The following EXOC6B variants were observed in gnomAD, a reference collection of about 807,000 sequenced individuals.
The protein encoded by EXOC6B is SEC15 homolog B.
A neutral mutation model predicts 113.5 loss-of-function variants in EXOC6B; 54 were observed. The observed-to-expected ratio is 0.48, with a 90% CI of 0.38 to 0.60. The LOEUF (loss-of-function observed/expected upper bound fraction) is 0.60. Ranked by LOEUF, EXOC6B falls within the 20% of genes least tolerant of loss-of-function variation. EXOC6B has a pLI of 0.00. For synonymous variants in EXOC6B, 357 were observed against 339.0 expected, an observed-to-expected ratio of 1.05 and a Z score of -0.58; for missense variants, 797 against 977.5, an observed-to-expected ratio of 0.82 and a Z score of 2.46.
At chr2:72,791,745 T>A (rs1012883504) in intron 1 of EXOC6B, among the ~76,000 whole-genome samples, 5 of 152,228 alleles carry the variant, frequency 3.3e-5, no homozygotes, top group African/African-American at 1.2e-4. Context: ...CAATCTTTAA[T>A]GAAGTCATCT....
At chr2:72,227,775 C>CTA (rs1181195876) in intron 20 of EXOC6B, among the ~76,000 whole-genome samples, 2 of 152,124 alleles carry the variant, frequency 1.3e-5, no homozygotes, top group Non-Finnish European at 2.9e-5. Context: ...TAACTTAAAT[C>CTA]TATATGTCTT....
chr2:72,355,446 CAT>C (rs1689921058), intron 19 of EXOC6B, among the ~76,000 whole-genome samples: 3 of 152,090 alleles, frequency 2.0e-5, no homozygotes, highest in Non-Finnish European at 4.4e-5. Flanking sequence ...TTGTAAAAAA[CAT>C]AAAATATTTC....
At chr2:72,266,931 T>C (rs1173150774) in intron 20 of EXOC6B, among the ~76,000 whole-genome samples, 2 of 152,202 alleles carry the variant, frequency 1.3e-5, no homozygotes, top group Non-Finnish European at 2.9e-5. Context: ...TTTTATTTCA[T>C]TGAGCAGTGG....
At chr2:72,824,212 C>T (rs1686765242) in intron 1 of EXOC6B, among the ~76,000 whole-genome samples, 2 of 151,980 alleles carry the variant, frequency 1.3e-5, no homozygotes, top group Admixed American at 6.6e-5. Flanking sequence ...ATGGCAAAAT[C>T]CCATCTCTAC....
intron 6 of EXOC6B, among the ~76,000 whole-genome samples, chr2:72,677,447 C>T (rs1468264299): frequency 6.6e-6 from 1 of 152,038 alleles, no homozygotes; most frequent in Admixed American, 6.5e-5. Flanking sequence ...CTGCTCAAAA[C>T]AGTCAAGACT....
chr2:72,576,557 G>A (rs1558811472), intron 6 of EXOC6B, among the ~76,000 whole-genome samples: 1 of 152,056 alleles, frequency 6.6e-6, no homozygotes, highest in Non-Finnish European at 1.5e-5. Flanking sequence ...CTCAAAGTAT[G>A]GTCTCCTAAA....
At chr2:72,388,097 T>C (rs1402904922) in intron 18 of EXOC6B, among the ~76,000 whole-genome samples, 1 of 152,116 alleles carries the variant, frequency 6.6e-6, no homozygotes, top group Non-Finnish European at 1.5e-5. Flanking sequence ...TGGCATATCA[T>C]GGGTAGAGGC....
chr2:72,469,912 A>G (rs143991790), intron 17 of EXOC6B, among the ~76,000 whole-genome samples: 2 of 152,254 alleles, frequency 1.3e-5, no homozygotes, highest in African/African-American at 4.8e-5. Flanking sequence ...CAAAATACTC[A>G]TATTTTTCCA....
intron 6 of EXOC6B, among the ~76,000 whole-genome samples, chr2:72,679,256 C>G (rs1310082588): frequency 6.6e-6 from 1 of 152,000 alleles, no homozygotes; most frequent in East Asian, 1.9e-4. Flanking sequence ...TTAGTAAAGA[C>G]AGGGTTTCAC....
chr2:72,552,423 T>C (rs1703290789), intron 8 of EXOC6B, among the ~76,000 whole-genome samples: 2 of 151,860 alleles, frequency 1.3e-5, no homozygotes, highest in Admixed American at 6.6e-5. Flanking sequence ...TATTATTGCA[T>C]GTGTGAGTTC....
rs1325257044 is a variant in EXOC6B, at chr2:72,401,595, A to ATG, written c.1981-21726_1981-21725insCA. 4.1e-4 allele frequency among the ~76,000 whole-genome samples: 18 copies of ATG among 43,566 alleles called. 2 individuals are homozygous for ATG. Among genetic ancestry groups the ATG allele is most frequent in the Admixed American group, 1.2e-3 (4 of 3,230 alleles). 28.6% of individuals were successfully genotyped at this position (43,566 alleles called of 152,430 possible). A position where few individuals can be genotyped will look rare whatever the true frequency, so the allele number is the denominator to read the frequency against. Reference sequence around the variant, plus strand: ...TATATATATATACATATATATATATATATATATGTGTATATATATATATAT... The same window carrying ATG: ...TATATATATATACATATATATATATATGTATATATGTGTATATATATATATAT... On this transcript the variant is annotated intron_variant, in intron 18 of 21. Coordinates refer to ENST00000272427, the MANE Select transcript of EXOC6B (RefSeq NM_015189.3).
intron 11 of EXOC6B, among the ~76,000 whole-genome samples, chr2:72,509,565 A>G (rs1034794380): frequency 1.3e-5 from 2 of 152,170 alleles, no homozygotes; most frequent in Non-Finnish European, 2.9e-5. Flanking sequence ...CAATAAAATT[A>G]ACTACTCAAA....
chr2:72,756,204 G>A (rs1682403328), intron 1 of EXOC6B, among the ~76,000 whole-genome samples: 2 of 152,238 alleles, frequency 1.3e-5, no homozygotes, highest in East Asian at 1.9e-4. Context: ...GCCAAACCTA[G>A]ACACTGTAAT....
At chr2:72,268,425 G>T (rs936978405) in intron 20 of EXOC6B, among the ~76,000 whole-genome samples, 1 of 151,954 alleles carries the variant, frequency 6.6e-6, no homozygotes, top group Non-Finnish European at 1.5e-5. Context: ...CATATAAAAG[G>T]AGAAAATGAA....
chr2:72,455,377 C>T (rs1000981210), intron 18 of EXOC6B, among the ~76,000 whole-genome samples: 5 of 152,146 alleles, frequency 3.3e-5, no homozygotes, highest in Middle Eastern at 3.2e-3. Context: ...ATTTACCACC[C>T]GTTCCGGGAA....
intron 8 of EXOC6B, among the ~76,000 whole-genome samples, chr2:72,522,368 C>T (rs975035841): frequency 3.5e-4 from 53 of 152,248 alleles, no homozygotes; most frequent in African/African-American, 1.3e-3. Context: ...AATCCTATCA[C>T]TGGGTTTTAT....
chr2:72,666,511 G>A (rs1250324394), intron 6 of EXOC6B, among the ~76,000 whole-genome samples: 1 of 138,636 alleles, frequency 7.2e-6, no homozygotes, highest in Non-Finnish European at 1.7e-5. Flanking sequence ...CAATATAGTG[G>A]TGGAAGTCTT....
chr2:72,818,388 C>T (rs1454179151), intron 1 of EXOC6B, among the ~76,000 whole-genome samples: 1 of 148,420 alleles, frequency 6.7e-6, no homozygotes, highest in African/African-American at 2.5e-5. Flanking sequence ...GTCTCGATCT[C>T]CTGACCTCGT....
At chr2:72,750,043 C>G (rs1681942072) in intron 1 of EXOC6B, among the ~76,000 whole-genome samples, 1 of 150,922 alleles carries the variant, frequency 6.6e-6, no homozygotes, top group Non-Finnish European at 1.5e-5. Context: ...ATATACATAC[C>G]TCACACACAC....
Sources: allele counts gnomAD v4.1 joint callset (sites outside exome capture counted in the v4.1 genomes callset), GRCh38; gene constraint gnomAD v4.1.1; transcripts MANE v1.5; gene names NCBI Gene and HGNC (gene_info 2026-07-23, HGNC 2026-07-21).